The following WDR74 variants were observed in gnomAD, a reference collection of about 807,000 sequenced individuals.
WDR74 encodes the protein WD repeat-containing protein 74.
Under a neutral mutation model 45.6 loss-of-function variants are expected in WDR74, and 31 were observed. That is an observed-to-expected ratio of 0.68 (90% confidence interval 0.51 to 0.92). The LOEUF (loss-of-function observed/expected upper bound fraction) is 0.92, where lower values mean the gene tolerates loss of function less well. Ranked by LOEUF, WDR74 falls within the 40% of genes least tolerant of loss-of-function variation. The probability of loss-of-function intolerance (pLI) is 0.00; values close to 1 mark genes in which losing one functional copy is unlikely to be tolerated. For synonymous variants in WDR74, 191 were observed against 192.4 expected (o/e 0.99, Z 0.06); for missense variants, 455 against 497.2 (o/e 0.92, Z 0.81).
At position 62,835,259 on chromosome 11, in the gene WDR74, G is replaced by C. The variant is rs1270814701; in HGVS notation, c.618+172C>G. 4.9e-6 allele frequency: 3 copies of C among 617,474 alleles called. No homozygotes were observed. In the South Asian group the frequency reaches 6.0e-5, roughly 12 times the overall value. 38.2% of individuals were successfully genotyped at this position (617,474 alleles called of 1,614,324 possible). A position where few individuals can be genotyped will look rare whatever the true frequency, so the allele number is the denominator to read the frequency against. ...GCATAGTTCAGGAAACTCCACCCTA[G>C]AATACAGTAGAGGAAGGTCATGGGC... On this transcript the variant is annotated intron_variant, in intron 6 of 10. Transcript: ENST00000278856.
At chr11:62,840,565 G>A (rs755569776), upstream of WDR74, among the ~76,000 whole-genome samples, 1 of 152,060 alleles carries the variant, frequency 6.6e-6, no homozygotes, top group Non-Finnish European at 1.5e-5. Flanking sequence ...TAGAAATACA[G>A]TAATAGCGCA....
Position 62,833,646 on chromosome 11 carries a change from A to C in WDR74, c.950T>G (p.Leu317Arg). 1 of 1,553,108 alleles carries C rather than the reference A, an allele frequency of 6.4e-7. No homozygotes were observed. Among genetic ancestry groups the C allele is most frequent in the South Asian group, 1.2e-5 (1 of 84,160 alleles). ...CCAGTTGTCCCTGCCTGACAAGAGG[A>C]GGCAGTTCAATTGAGACTTGAGATA... ...KVYLKSQLNCLLLSGRDNWED... is the reference protein window; with the variant it reads ...KVYLKSQLNCRLLSGRDNWED... Residue 317 changes from leucine to arginine, a missense_variant, in exon 10 of 11, where the codon CTC (leucine) becomes CGC (arginine). Physicochemically the swap from Leu to Arg is moderately radical, Grantham distance 102 (BLOSUM62 -2). Coordinates refer to ENST00000278856, the MANE Select transcript of WDR74 (RefSeq NM_001369450.1).
intron 6 of WDR74, chr11:62,835,198 C>T (rs1057311477): frequency 2.6e-5 from 14 of 531,808 alleles, no homozygotes; most frequent in Non-Finnish European, 4.1e-5. Flanking sequence ...AGGGGATCCA[C>T]TCTCCTTTCC....
chr11:62,838,425 G>GA (rs1425704054), intron 3 of WDR74, among the ~76,000 whole-genome samples: 2 of 151,906 alleles, frequency 1.3e-5, no homozygotes, highest in Non-Finnish European at 2.9e-5. Flanking sequence ...AAAGTGCTGG[G>GA]ATGACAGGCA....
upstream of WDR74, chr11:62,841,724 T>A (rs566008447): frequency 4.6e-5 from 7 of 152,200 alleles, no homozygotes; most frequent in Admixed American, 2.0e-4. Flanking sequence ...ATTTAATATA[T>A]TGTCCTCGGA....
At chr11:62,841,415 T>C (rs576829714), upstream of WDR74, among the ~76,000 whole-genome samples, 3 of 151,258 alleles carry the variant, frequency 2.0e-5, no homozygotes, top group South Asian at 4.2e-4. Context: ...GTATGAAGAT[T>C]GCTGAAGACC....
chr11:62,841,427 C>T (rs1387332857), upstream of WDR74: 2 of 152,192 alleles, frequency 1.3e-5, no homozygotes, highest in African/African-American at 2.4e-5. Flanking sequence ...CTGAAGACCA[C>T]ATGGAGATAC....
chr11:62,836,232 G>A, intron 3 of WDR74, 196 bp from the exon 4 acceptor site: 3 of 572,114 alleles, frequency 5.2e-6, no homozygotes, highest in South Asian at 2.1e-5. Context: ...TAGGTCACTG[G>A]GCTCTAGGCA....
rs879250324 is a variant in WDR74, at chr11:62,832,986, C to T, written c.1124G>A (p.Arg375Lys). ...GGTGGACCCAGGCCGCTTCTTCTTT[C>T]TCCGTCTCGTTTGGAGAGCTCCTTG... ...QPQGALQTRR[R>K]KKKRPGSTSP Residue 375 changes from arginine (R) to lysine (K), a missense_variant, in exon 11 of 11, where the codon AGA becomes AAA. By Grantham distance (26) the Arg-to-Lys change is conservative (BLOSUM62 2). Transcript: ENST00000278856. The T allele has an allele frequency of 6.2e-7, 1 of 1,607,578 alleles. No individual in the cohort carries two copies. Among genetic ancestry groups the T allele is most frequent in the South Asian group, 1.1e-5 (1 of 90,386 alleles).
upstream of WDR74, among the ~76,000 whole-genome samples, chr11:62,840,543 G>A (rs1422363316): frequency 6.6e-6 from 1 of 151,976 alleles, no homozygotes. Context: ...CGCAGAGAAA[G>A]TCATCGCTCA....
intron 6 of WDR74, chr11:62,834,909 G>T (rs368892748): frequency 1.6e-5 from 4 of 251,702 alleles, no homozygotes; most frequent in South Asian, 7.0e-5. Flanking sequence ...TTGAGCAGAG[G>T]CATATGACCA....
intron 6 of WDR74, 101 bp from the exon 7 acceptor site, chr11:62,834,628 A>G (rs1278178795): frequency 9.8e-7 from 1 of 1,015,488 alleles, no homozygotes; most frequent in African/African-American, 1.6e-5. Flanking sequence ...TTTCTTATTT[A>G]TGATCCACTC....
intron 3 of WDR74, 62 bp downstream of exon 3, chr11:62,839,052 A>G: frequency 4.4e-6 from 7 of 1,597,696 alleles, no homozygotes; most frequent in Non-Finnish European, 6.0e-6. Context: ...TCATTCCAGT[A>G]TCCTCAGGGA....
rs181584826 is a variant in WDR74, at chr11:62,835,628, A to T, written c.516+67T>A. The T allele has an allele frequency of 1.3e-4, 204 of 1,613,648 alleles. 1 individual carries two copies. Among genetic ancestry groups the T allele is most frequent in the Middle Eastern group, 6.6e-4 (4 of 6,062 alleles). On this transcript the variant is annotated intron_variant, in intron 5 of 10. Transcript: ENST00000278856. Reference sequence around the variant, plus strand: ...GCCCCCTAAGTCCATCTAGTCTCTAATGCATCGTCAGTGGCCTCAGCCTCC... The same window carrying T: ...GCCCCCTAAGTCCATCTAGTCTCTATTGCATCGTCAGTGGCCTCAGCCTCC...
At chr11:62,841,600 GGTTGTTCTCTCCCCGAA>G (rs2085058492), upstream of WDR74, 1 of 152,148 alleles carries the variant, frequency 6.6e-6, no homozygotes, top group Non-Finnish European at 1.5e-5. Flanking sequence ...ATTAAACAAC[GGTTGTTCTCTCCCCGAA>G]GGGAGAGTGC....
intron 6 of WDR74, 94 bp from the exon 7 acceptor site, chr11:62,834,621 C>G: frequency 9.2e-7 from 1 of 1,086,258 alleles, no homozygotes; most frequent in Non-Finnish European, 1.3e-6. Flanking sequence ...ACACTGCTTT[C>G]TTATTTATGA....
At chr11:62,832,907 A>T (rs746583701), downstream of WDR74, 6 of 1,540,862 alleles carry the variant, frequency 3.9e-6, no homozygotes, top group Non-Finnish European at 5.2e-6. Flanking sequence ...GCTCAGGGTC[A>T]TGGTGGGTGT....
At position 62,837,488 on chromosome 11, in the gene WDR74, C is replaced by T. The variant is rs1777645004; in HGVS notation, c.294-1452G>A. Reference sequence around the variant, plus strand: ...CTCCAGCCTGGGCAACAGAGTGAGACTCCGTATATAAAAAAAAAACAAAAA... The same window carrying T: ...CTCCAGCCTGGGCAACAGAGTGAGATTCCGTATATAAAAAAAAAACAAAAA... On this transcript the variant is annotated intron_variant, in intron 3 of 10. Transcript: ENST00000278856. Among the ~76,000 whole-genome samples the T allele has an allele frequency of 9.4e-5, 14 of 149,316 alleles. No homozygotes were observed. The South Asian group carries it at 3.0e-3, about 32-fold the overall frequency.
At chr11:62,841,182 T>C (rs983901105), upstream of WDR74, among the ~76,000 whole-genome samples, 1 of 152,150 alleles carries the variant, frequency 6.6e-6, no homozygotes, top group African/African-American at 2.4e-5. Context: ...CTGGGCGTGG[T>C]GGCGGGCGCC....
Sources: allele counts gnomAD v4.1 joint callset (sites outside exome capture counted in the v4.1 genomes callset), GRCh38; gene constraint gnomAD v4.1.1; transcripts MANE v1.5; gene names NCBI Gene and HGNC (gene_info 2026-07-23, HGNC 2026-07-21).